ANO4: variants seen among roughly 807,000 people sequenced by gnomAD.
ANO4 encodes anoctamin-4.
A neutral mutation model predicts 141.9 loss-of-function variants in ANO4; 69 were observed. The ratio of observed to expected loss-of-function variants is 0.49; its 90% CI spans 0.40 to 0.59. The LOEUF (loss-of-function observed/expected upper bound fraction) is 0.59. Among genes scored for constraint, ANO4 ranks in the 20% least tolerant of loss-of-function variants. ANO4 has a pLI of 0.00. For synonymous variants in ANO4, 350 were observed against 394.3 expected (o/e 0.89, Z 1.33); for missense variants, 894 against 1,162.2 (o/e 0.77, Z 3.36).
intron 1 of ANO4, among the ~76,000 whole-genome samples, chr12:100,729,618 T>C (rs2136791516): frequency 6.6e-6 from 1 of 152,294 alleles, no homozygotes; most frequent in Admixed American, 6.5e-5. Context: ...TTCATTAATC[T>C]CATTCATAGT....
chr12:100,744,178 CTT>C (rs1248489848), intron 3 of ANO4, among the ~76,000 whole-genome samples: 1 of 152,160 alleles, frequency 6.6e-6, no homozygotes, highest in Non-Finnish European at 1.5e-5. Flanking sequence ...ACTATCAAAA[CTT>C]ATATATCCCG....
intron 1 of ANO4, among the ~76,000 whole-genome samples, chr12:100,809,425 T>C (rs1322720365): frequency 6.7e-6 from 1 of 149,550 alleles, no homozygotes; most frequent in Non-Finnish European, 1.5e-5. Context: ...CATGAAAATA[T>C]GTGCAAGGCA....
rs566307955 is a variant in ANO4 at position 101,120,631 on chromosome 12, T to G, written c.2676+6T>G. 5.6e-6 allele frequency: 9 copies of G among 1,608,394 alleles called. No individual in the cohort carries two copies. The highest frequency in any genetic ancestry group is 1.6e-4 in the Middle Eastern group (1 of 6,074). On this transcript the variant is annotated splice_donor_region_variant and intron_variant, in intron 26 of 27. Coordinates refer to ENST00000392977, the MANE Select transcript of ANO4 (RefSeq NM_001286615.2). ...CTTTTATCATTGTCTTTGAGGTAAG[T>G]TTCCTCAGCCAAATTCTTTATTTCC...
chr12:101,078,436 C>T (rs2049112152), intron 14 of ANO4, among the ~76,000 whole-genome samples: 1 of 152,048 alleles, frequency 6.6e-6, no homozygotes, highest in African/African-American at 2.4e-5. Context: ...TCTTTTATTG[C>T]ATAATGCTCA....
At chr12:100,864,717 A>G (rs1050429007) in intron 1 of ANO4, among the ~76,000 whole-genome samples, 1 of 152,160 alleles carries the variant, frequency 6.6e-6, no homozygotes, top group Non-Finnish European at 1.5e-5. Context: ...TTAAGTTCTG[A>G]GATACATGTG....
At chr12:100,949,714 A>G (rs1057225473) in intron 5 of ANO4, among the ~76,000 whole-genome samples, 8 of 152,298 alleles carry the variant, frequency 5.3e-5, no homozygotes, top group Middle Eastern at 3.4e-3. Context: ...CATTAATGAG[A>G]TTTATAATTT....
At chr12:101,077,760 C>T (rs1479718620) in intron 14 of ANO4, among the ~76,000 whole-genome samples, 1 of 152,160 alleles carries the variant, frequency 6.6e-6, no homozygotes, top group Non-Finnish European at 1.5e-5. Flanking sequence ...TATGTAGCCT[C>T]ACATCAGTCC....
intron 1 of ANO4, among the ~76,000 whole-genome samples, chr12:100,850,639 T>C (rs2037814148): frequency 6.6e-6 from 1 of 152,182 alleles, no homozygotes; most frequent in African/African-American, 2.4e-5. Flanking sequence ...AAATGTGCTT[T>C]TATTTTAAGT....
chr12:101,031,175 G>A (rs1158703105), intron 9 of ANO4, among the ~76,000 whole-genome samples: 18 of 152,076 alleles, frequency 1.2e-4, no homozygotes, highest in East Asian at 1.9e-4. Flanking sequence ...ATATCGATGC[G>A]AAAATCCTCA....
rs148574894 is a variant in ANO4, at chr12:100,738,248, A to G, written c.107-1606A>G. ...GTGAGGGAGGATGAGCAGGCTATCA[A>G]TGCTGCCAATGTGACATTTCTATTC... On this transcript the variant is annotated intron_variant, in intron 2 of 29. Transcript: ENST00000644049. Among the ~76,000 whole-genome samples the G allele has an allele frequency of 9.9e-5, 15 of 152,256 alleles. No individual in the cohort carries two copies. In the East Asian group the frequency reaches 2.3e-3, roughly 23 times the overall value.
At position 101,097,698 on chromosome 12, in the gene ANO4, G is replaced by A. The variant is rs2050039822; in HGVS notation, c.1898G>A (p.Arg633Lys). The A allele has an allele frequency of 6.2e-7, 1 of 1,613,700 alleles. No homozygotes were observed. The highest frequency in any genetic ancestry group is 1.7e-5 in the Admixed American group (1 of 59,982). ...GAYLRLINRW[R>K]LEECHPSGCL... ...TACTTGAGGCTGATAAACAGGTGGA[G>A]ACTAGAAGAGGTCTGTATTCTCCCA... is the stretch of plus-strand genomic sequence containing the variant. Residue 633 changes from arginine (R) to lysine (K), a missense_variant, in exon 20 of 28, where the codon AGA becomes AAA. By Grantham distance (26) the Arg-to-Lys change is conservative. Coordinates refer to ENST00000392977, the MANE Select transcript of ANO4 (RefSeq NM_001286615.2).
At chr12:100,727,645 A>G (rs975312198) in intron 1 of ANO4, among the ~76,000 whole-genome samples, 1 of 152,158 alleles carries the variant, frequency 6.6e-6, no homozygotes, top group Non-Finnish European at 1.5e-5. Flanking sequence ...CTTAAATAGC[A>G]AATTTAGACC....
intron 1 of ANO4, among the ~76,000 whole-genome samples, chr12:100,874,759 A>G (rs1439691186): frequency 6.6e-6 from 1 of 152,082 alleles, no homozygotes; most frequent in Admixed American, 6.6e-5. Flanking sequence ...GCCTCAAGTC[A>G]TCTGCCCGCC....
chr12:101,082,751 C>T (rs535549837), intron 15 of ANO4, among the ~76,000 whole-genome samples: 1 of 151,632 alleles, frequency 6.6e-6, no homozygotes, highest in South Asian at 2.1e-4. Flanking sequence ...CTCTCCATGA[C>T]CTCTCTTCTG....
At chr12:100,994,563 A>C (rs2136367815) in intron 8 of ANO4, among the ~76,000 whole-genome samples, 1 of 152,368 alleles carries the variant, frequency 6.6e-6, no homozygotes, top group South Asian at 2.1e-4. Context: ...TGCTAGATAT[A>C]GACAGAAAAA....
intron 1 of ANO4, among the ~76,000 whole-genome samples, chr12:100,849,813 A>G (rs1357671873): frequency 6.6e-6 from 1 of 152,060 alleles, no homozygotes; most frequent in Non-Finnish European, 1.5e-5. Flanking sequence ...CAAAATGGGG[A>G]TTATATCAAT....
At chr12:100,889,469 A>G (rs1001239339) in intron 1 of ANO4, among the ~76,000 whole-genome samples, 4 of 152,066 alleles carry the variant, frequency 2.6e-5, no homozygotes, top group Non-Finnish European at 4.4e-5. Flanking sequence ...GACTTCCACA[A>G]TGGTTGAACT....
chr12:100,788,294 G>T (rs2033935297), intron 3 of ANO4, among the ~76,000 whole-genome samples: 1 of 152,180 alleles, frequency 6.6e-6, no homozygotes, highest in East Asian at 1.9e-4. Context: ...TAAAATAAGA[G>T]AAGAAAAATG....
chr12:101,114,964 T>C (rs2050796785), intron 24 of ANO4, among the ~76,000 whole-genome samples: 1 of 152,056 alleles, frequency 6.6e-6, no homozygotes, highest in African/African-American at 2.4e-5. Context: ...TTTAAGGCCA[T>C]GATAAAGCCA....
Sources: gnomAD v4.1 joint callset for allele counts (sites outside exome capture counted in the v4.1 genomes callset) on GRCh38, gnomAD v4.1.1 for gene constraint, MANE v1.5 for transcripts, NCBI Gene and HGNC (gene_info 2026-07-23, HGNC 2026-07-21) for gene names.